The following FBXO9 variants were observed in gnomAD, a reference collection of about 807,000 sequenced individuals.
FBXO9 encodes the protein F-box protein 9, also known as F-box only protein 9.
Under a neutral mutation model 63.7 loss-of-function variants are expected in FBXO9, and 43 were observed. The observed-to-expected ratio is 0.67, with a 90% confidence interval of 0.53 to 0.87. The LOEUF (loss-of-function observed/expected upper bound fraction) is 0.87. Ranked by LOEUF, FBXO9 falls within the 40% of genes least tolerant of loss-of-function variation. The pLI is 0.00. For synonymous variants in FBXO9, 156 were observed against 171.7 expected, an observed-to-expected ratio of 0.91 and a Z score of 0.72; for missense variants, 442 against 533.2, an observed-to-expected ratio of 0.83 and a Z score of 1.68.
Position 53,093,915 on chromosome 6 carries a change from C to A in FBXO9, c.990C>A (p.Arg330=), listed in dbSNP as rs747700866. The A allele has an allele frequency of 1.5e-5, 23 of 1,552,262 alleles. No individual in the cohort carries two copies. In the South Asian group the frequency reaches 2.2e-4, roughly 15 times the overall value. The change falls in exon 11 of 13, where the codon CGC becomes CGA. Residue 330 remains arginine, a synonymous_variant. Transcript: ENST00000323557. ...RTDAILLGHY[R]LSQDTDNQTK... is the part of the protein sequence containing the mutation. Reference sequence around the variant, plus strand: ...ATGCAATTCTACTGGGTCACTATCGCTTGTCACAAGACACAGACAATCAGA... The same window carrying A: ...ATGCAATTCTACTGGGTCACTATCGATTGTCACAAGACACAGACAATCAGA...
intron 1 of FBXO9, 148 bp from the exon 2 acceptor site, chr6:53,070,909 G>GC: frequency 7.8e-7 from 1 of 1,275,216 alleles, no homozygotes; most frequent in Non-Finnish European, 1.1e-6. Flanking sequence ...GGTCTCAAGT[G>GC]CCCCCTACAG....
chr6:53,075,645 C>T (rs1355284324), intron 3 of FBXO9, among the ~76,000 whole-genome samples: 1 of 148,446 alleles, frequency 6.7e-6, no homozygotes, highest in Non-Finnish European at 1.5e-5. Context: ...AACATCTTTT[C>T]ATGTGCTTAT....
chr6:53,093,074 G>T (rs369857612), intron 9 of FBXO9: 17 of 414,508 alleles, frequency 4.1e-5, no homozygotes, highest in Admixed American at 2.0e-4. Flanking sequence ...CAAATAGCTT[G>T]TGCTTTTATT....
chr6:53,081,529 C>T (rs1352605109), intron 6 of FBXO9, among the ~76,000 whole-genome samples: 2 of 152,220 alleles, frequency 1.3e-5, no homozygotes, highest in Non-Finnish European at 2.9e-5. Context: ...CCTTGGCCTC[C>T]CAAAGTGCTG....
intron 7 of FBXO9, among the ~76,000 whole-genome samples, chr6:53,088,252 T>C (rs1762949816): frequency 6.6e-6 from 1 of 152,176 alleles, no homozygotes; most frequent in Non-Finnish European, 1.5e-5. Flanking sequence ...GTGAGTTTTA[T>C]CTCAACATGA....
At chr6:53,086,360 C>A (rs115832656) in intron 7 of FBXO9, among the ~76,000 whole-genome samples, 1 of 152,244 alleles carries the variant, frequency 6.6e-6, no homozygotes, top group African/African-American at 2.4e-5. Flanking sequence ...GATGTAAAAG[C>A]CTTAATCCTT....
At chr6:53,075,284 G>A (rs574709431) in intron 3 of FBXO9, among the ~76,000 whole-genome samples, 48 of 151,126 alleles carry the variant, frequency 3.2e-4, no homozygotes, top group African/African-American at 1.0e-3. Flanking sequence ...TACAGGCCCC[G>A]TCAGTAACGC....
intron 12 of FBXO9, 92 bp from the exon 13 acceptor site, chr6:53,097,630 C>G (rs1319501925): frequency 4.6e-6 from 3 of 648,430 alleles, no homozygotes; most frequent in Non-Finnish European, 7.4e-6. Context: ...ATAAAAAAGG[C>G]TAAAGCATAG....
intron 7 of FBXO9, among the ~76,000 whole-genome samples, chr6:53,088,765 A>G (rs1040008545): frequency 6.6e-6 from 1 of 151,502 alleles, no homozygotes; most frequent in Non-Finnish European, 1.5e-5. Flanking sequence ...CCGCCTGGCT[A>G]ATTTTTGTAT....
Position 53,100,398 on chromosome 6 carries a change from A to G in FBXO9, c.*2568A>G, listed in dbSNP as rs1182332573. 3 of 152,218 alleles carry G rather than the reference A, an allele frequency of 2.0e-5. No individual in the cohort carries two copies. Among genetic ancestry groups the G allele is most frequent in the Non-Finnish European group, 4.4e-5 (3 of 68,028 alleles). 9.4% of individuals were successfully genotyped at this position (152,218 alleles called of 1,614,324 possible). ...AAGCATTTTACAGAAATTACATTTC[A>G]GATCGTGCTGGAACTGTGTTCAGAA... On this transcript the variant is annotated 3_prime_UTR_variant, in exon 13 of 13. Transcript: ENST00000323557.
At chr6:53,078,657 C>T in intron 4 of FBXO9, 142 bp from the exon 5 acceptor site, 1 of 608,318 alleles carries the variant, frequency 1.6e-6, no homozygotes, top group Non-Finnish European at 2.9e-6. Flanking sequence ...AGTTTTGTGT[C>T]ACTGAACTGC....
At position 53,093,882 on chromosome 6, in the gene FBXO9, A is replaced by C; in HGVS notation, c.960-3A>C. On this transcript the variant is annotated splice_polypyrimidine_tract_variant and splice_region_variant and intron_variant, in intron 10 of 12. Coordinates refer to ENST00000323557, the MANE Select transcript of FBXO9 (RefSeq NM_033480.3). ...TAGATTCAATTTGTTTTTTTTTTTT[A>C]AGGACTGATGCAATTCTACTGGGTC... is the stretch of plus-strand genomic sequence containing the variant. 1 of 1,482,040 alleles carries C rather than the reference A, an allele frequency of 6.7e-7. No individual in the cohort carries two copies. The highest frequency in any genetic ancestry group is 9.1e-7 in the Non-Finnish European group (1 of 1,103,458). 91.8% of individuals were successfully genotyped at this position (1,482,040 alleles called of 1,614,324 possible). A position where few individuals can be genotyped will look rare whatever the true frequency, so the allele number is the denominator to read the frequency against.
Position 53,075,734 on chromosome 6 carries a change from A to ATTTTTT in FBXO9, c.250-750_250-749insTTTTTT, listed in dbSNP as rs761159029. Among the ~76,000 whole-genome samples, 170 of 82,164 alleles carry ATTTTTT rather than the reference A, an allele frequency of 2.1e-3. 31 individuals carry two copies. The highest frequency in any genetic ancestry group is 2.8e-3 in the African/African-American group (54 of 19,322). 53.9% of individuals were successfully genotyped at this position (82,164 alleles called of 152,430 possible). ...TAATTGGATTACATATATATATATA[A>ATTTTTT]TTATTTTTTTTTTTTTTTTTTTTTT... On this transcript the variant is annotated intron_variant, in intron 3 of 12. Coordinates refer to ENST00000323557, the MANE Select transcript of FBXO9 (RefSeq NM_033480.3).
intron 9 of FBXO9, 39 bp from the exon 10 acceptor site, chr6:53,093,427 T>TG (rs757046508): frequency 2.2e-6 from 3 of 1,380,408 alleles, no homozygotes; most frequent in East Asian, 2.3e-5. Context: ...ATACTTTGTG[T>TG]GGGGGGTGTG....
chr6:53,096,620 C>G (rs1301714680), intron 12 of FBXO9, among the ~76,000 whole-genome samples: 1 of 151,908 alleles, frequency 6.6e-6, no homozygotes. Context: ...AAGAAAGAAA[C>G]CTGAGCAGGT....
chr6:53,089,883 C>T (rs934676418), intron 7 of FBXO9, among the ~76,000 whole-genome samples: 1 of 152,192 alleles, frequency 6.6e-6, no homozygotes, highest in African/African-American at 2.4e-5. Flanking sequence ...TTCCAAGAAT[C>T]TCTGATTCCT....
Position 53,098,223 on chromosome 6 carries a change from C to A in FBXO9, c.*393C>A. The A allele has an allele frequency of 3.0e-6, 1 of 333,856 alleles. No homozygotes were observed. Among genetic ancestry groups the A allele is most frequent in the Non-Finnish European group, 6.4e-6 (1 of 156,810 alleles). The allele number at this position is 333,856 out of a possible 1,614,324, so 20.7% of individuals were successfully genotyped here. On this transcript the variant is annotated 3_prime_UTR_variant, in exon 13 of 13. Coordinates refer to ENST00000323557, the MANE Select transcript of FBXO9 (RefSeq NM_033480.3). Reference sequence around the variant, plus strand: ...GCTTGAGTATCCTAATATTTCAATGCATCAGGGGAGCGCTCCACTGGATAA... The same window carrying A: ...GCTTGAGTATCCTAATATTTCAATGAATCAGGGGAGCGCTCCACTGGATAA...
intron 7 of FBXO9, among the ~76,000 whole-genome samples, chr6:53,084,265 T>C (rs1002439883): frequency 1.3e-5 from 2 of 152,232 alleles, no homozygotes; most frequent in African/African-American, 4.8e-5. Flanking sequence ...GCTACCTGTT[T>C]TCTTATTTTG....
rs973684053 is a variant in FBXO9, at chr6:53,065,513, G to C, written c.-277G>C. 2 of 380,412 alleles carry C rather than the reference G, an allele frequency of 5.3e-6. No homozygotes were observed. The highest frequency in any genetic ancestry group is 4.7e-6 in the Non-Finnish European group (1 of 213,872). 23.6% of individuals were successfully genotyped at this position (380,412 alleles called of 1,614,324 possible). A position where few individuals can be genotyped will look rare whatever the true frequency, so the allele number is the denominator to read the frequency against. On this transcript the variant is annotated 5_prime_UTR_variant, in exon 1 of 13. Coordinates refer to ENST00000323557, the MANE Select transcript of FBXO9 (RefSeq NM_033480.3). ...CGGTGCTCGCACAATCCCCCGCCTC[G>C]GCTGGCAACGGGCGTCCCTCCACTC...
Sources: gnomAD v4.1 joint callset for allele counts (sites outside exome capture counted in the v4.1 genomes callset) on GRCh38, gnomAD v4.1.1 for gene constraint, MANE v1.5 for transcripts, NCBI Gene and HGNC (gene_info 2026-07-23, HGNC 2026-07-21) for gene names.